ZNF385C: variants seen among roughly 807,000 people sequenced by gnomAD.
ZNF385C encodes the protein zinc finger protein 385C, also known as CTD-2132N18.2.
Under a neutral mutation model 35.4 loss-of-function variants are expected in ZNF385C, and 28 were observed. The observed-to-expected ratio is 0.79, with a 90% confidence interval of 0.59 to 1.08. The LOEUF (loss-of-function observed/expected upper bound fraction) is 1.08. ZNF385C is among the 50% of genes least tolerant of loss of function. The probability of loss-of-function intolerance (pLI) is 0.00; values close to 1 mark genes in which losing one functional copy is unlikely to be tolerated. For synonymous variants in ZNF385C, 248 were observed against 248.2 expected, an observed-to-expected ratio of 1.00 and a Z score of 0.01; for missense variants, 605 against 595.6, an observed-to-expected ratio of 1.02 and a Z score of -0.16.
At chr17:42,089,781 G>A (rs1473260760) in intron 1 of ZNF385C, among the ~76,000 whole-genome samples, 5 of 152,096 alleles carry the variant, frequency 3.3e-5, no homozygotes, top group Non-Finnish European at 7.4e-5. Flanking sequence ...GAATGTGTAC[G>A]GAATCGATGC....
intron 8 of ZNF385C, 108 bp from the exon 9 acceptor site, chr17:42,027,241 A>C (rs1450896843): frequency 2.9e-6 from 3 of 1,026,458 alleles, no homozygotes; most frequent in Middle Eastern, 3.1e-4. Flanking sequence ...TGCCTTTTAG[A>C]GTTCCAAACC....
Position 42,031,671 on chromosome 17 carries a change from C to T in ZNF385C, c.624G>A (p.Val208=). ...PHTQAQDGAV[V]SPIPTLASGA... is the part of the protein sequence containing the mutation. Reference sequence around the variant, plus strand: ...CACTGGCCAGCGTTGGGATTGGGGACACTACAGCCCCATCCTGGGCCTGGG... The same window carrying T: ...CACTGGCCAGCGTTGGGATTGGGGATACTACAGCCCCATCCTGGGCCTGGG... Residue 208 remains valine (V), a synonymous_variant, in exon 5 of 9, where the codon GTG becomes GTA. Transcript: ENST00000692273. The T allele has an allele frequency of 1.3e-6, 2 of 1,550,640 alleles. No individual in the cohort carries two copies. The highest frequency in any genetic ancestry group is 3.9e-5 in the Admixed American group (2 of 51,002).
At chr17:42,032,642 T>C (rs1555655100) in intron 4 of ZNF385C, among the ~76,000 whole-genome samples, 4 of 152,120 alleles carry the variant, frequency 2.6e-5, no homozygotes. Context: ...GCATTTGCTA[T>C]TTGCCAGGCA....
At position 42,056,891 on chromosome 17, in the gene ZNF385C, T is replaced by C. The variant is rs2143807105; in HGVS notation, c.250+5916A>G. Among the ~76,000 whole-genome samples, 2 of 152,260 alleles carry C rather than the reference T, an allele frequency of 1.3e-5. 1 individual carries two copies. Among genetic ancestry groups the C allele is most frequent in the Middle Eastern group, 6.8e-3 (2 of 294 alleles). On this transcript the variant is annotated intron_variant, in intron 2 of 8. Transcript: ENST00000692273. ...GTGAATCCATTAAACCTCTTTCTTT[T>C]GTAAACTGCCCAGTCTCTGGTATGT...
intron 2 of ZNF385C, among the ~76,000 whole-genome samples, chr17:42,060,374 A>G (rs992949537): frequency 6.6e-6 from 1 of 152,194 alleles, no homozygotes; most frequent in African/African-American, 2.4e-5. Flanking sequence ...TGCAATGCCC[A>G]TCACCTTCAG....
At chr17:42,073,839 C>T (rs1405244692) in intron 1 of ZNF385C, among the ~76,000 whole-genome samples, 1 of 152,246 alleles carries the variant, frequency 6.6e-6, no homozygotes, top group Non-Finnish European at 1.5e-5. Context: ...ATTTACCTGC[C>T]TGGCACTGGG....
At chr17:42,065,511 A>C (rs1161000606) in intron 1 of ZNF385C, 1 of 152,206 alleles carries the variant, frequency 6.6e-6, no homozygotes, top group African/African-American at 2.4e-5. Context: ...AATTAATTTT[A>C]CAAGCCCAAG....
At chr17:42,083,164 G>A (rs1555659859) in intron 1 of ZNF385C, among the ~76,000 whole-genome samples, 1 of 151,842 alleles carries the variant, frequency 6.6e-6, no homozygotes, top group Admixed American at 6.6e-5. Flanking sequence ...TTGCTTGCCA[G>A]CATAATTTCA....
intron 5 of ZNF385C, among the ~76,000 whole-genome samples, chr17:42,031,010 A>T (rs1457072142): frequency 1.1e-5 from 1 of 93,430 alleles, no homozygotes; most frequent in African/African-American, 4.2e-5. Context: ...GTGAAAATAA[A>T]TTTTTGTTGT....
chr17:42,028,183 G>T lies in ZNF385C; in HGVS notation c.1031C>A (p.Pro344Gln). The change falls in exon 7 of 9, where the codon CCG (proline) becomes CAG (glutamine). Residue 344 changes from proline to glutamine, a missense_variant. By Grantham distance (76) the Pro-to-Gln change is moderately conservative. Coordinates refer to ENST00000692273, the MANE Select transcript of ZNF385C (RefSeq NM_001392013.1). ...RGAPRRSRGRPVSRGGAGHKA... is the reference protein window; with the variant it reads ...RGAPRRSRGRQVSRGGAGHKA... ...GTGTCCGGCACCTCCCCTGGACACC[G>T]GGCGGCCCCGGCTCCTCCGGGGAGC... 6.3e-7 allele frequency: 1 copy of T among 1,594,962 alleles called. No individual in the cohort carries two copies.
At chr17:42,027,944 G>T in intron 7 of ZNF385C, 106 bp downstream of exon 7, 1 of 1,423,990 alleles carries the variant, frequency 7.0e-7, no homozygotes. Context: ...TCTCCAGCCT[G>T]CTCTGCTGTG....
At chr17:42,092,072 C>A (rs782369286) in intron 1 of ZNF385C, among the ~76,000 whole-genome samples, 6 of 152,184 alleles carry the variant, frequency 3.9e-5, no homozygotes, top group Non-Finnish European at 8.8e-5. Context: ...GCGAAAGTTC[C>A]TTTGCTCTCT....
chr17:42,048,813 T>C (rs782558920), intron 2 of ZNF385C, among the ~76,000 whole-genome samples: 1 of 152,146 alleles, frequency 6.6e-6, no homozygotes, highest in Non-Finnish European at 1.5e-5. Context: ...AGTTGCTTCC[T>C]GACTGCACAC....
chr17:42,065,844 T>C (rs1357023529), intron 1 of ZNF385C, among the ~76,000 whole-genome samples: 3 of 151,946 alleles, frequency 2.0e-5, no homozygotes, highest in Non-Finnish European at 2.9e-5. Flanking sequence ...AGGAGCTCCA[T>C]GCTGATTCAT....
chr17:42,046,186 A>T (rs753290552), intron 2 of ZNF385C, among the ~76,000 whole-genome samples: 5 of 151,990 alleles, frequency 3.3e-5, no homozygotes, highest in African/African-American at 4.8e-5. Flanking sequence ...TTCTGTACAT[A>T]TCTCTGCACT....
intron 2 of ZNF385C, chr17:42,061,207 A>ATTTTTTTTTTTTTTTTTTTTTTTT (rs10617911): frequency 1.9e-4 from 11 of 57,508 alleles, no homozygotes; most frequent in East Asian, 6.9e-4. Context: ...TAATGAGTTA[A>ATTTTTTTTTTTTTTTTTTTTTTTT]TTTTTTTTTT....
chr17:42,029,994 C>T (rs559882835), intron 5 of ZNF385C, among the ~76,000 whole-genome samples: 10 of 151,892 alleles, frequency 6.6e-5, no homozygotes, highest in Admixed American at 1.3e-4. Context: ...CACCACTGCA[C>T]TCCAGCCTGG....
At chr17:42,063,378 A>G (rs1489499442) in intron 1 of ZNF385C, among the ~76,000 whole-genome samples, 3 of 151,902 alleles carry the variant, frequency 2.0e-5, no homozygotes, top group Non-Finnish European at 2.9e-5. Flanking sequence ...AAAATACATA[A>G]TTTGCTGGGC....
chr17:42,063,095 T>C, intron 1 of ZNF385C, 37 bp from the exon 2 acceptor site: 1 of 588,276 alleles, frequency 1.7e-6, no homozygotes, highest in Non-Finnish European at 3.0e-6. Context: ...GAACGCCAAA[T>C]GGTTGCGAAT....
Sources: gnomAD v4.1 joint callset for allele counts (sites outside exome capture counted in the v4.1 genomes callset) on GRCh38, gnomAD v4.1.1 for gene constraint, MANE v1.5 for transcripts, NCBI Gene and HGNC (gene_info 2026-07-23, HGNC 2026-07-21) for gene names.